Variants in PPP1R1C observed in about 807,000 individuals in gnomAD.
The protein encoded by PPP1R1C is protein phosphatase 1 regulatory subunit 1C.
A neutral mutation model predicts 17.4 loss-of-function variants in PPP1R1C; 15 were observed. The ratio of observed to expected loss-of-function variants is 0.86; its 90% CI spans 0.58 to 1.33. The LOEUF (loss-of-function observed/expected upper bound fraction) is 1.33. Among genes scored for constraint, PPP1R1C ranks in the 40% most tolerant of loss-of-function variants. The pLI is 0.00. For synonymous variants in PPP1R1C, 35 were observed against 43.1 expected, an observed-to-expected ratio of 0.81 and a Z score of 0.73; for missense variants, 143 against 130.0, an observed-to-expected ratio of 1.10 and a Z score of -0.48.
chr2:182,117,098 TA>T, intron 4 of PPP1R1C, 108 bp from the exon 5 acceptor site: 1 of 778,724 alleles, frequency 1.3e-6, no homozygotes, highest in Non-Finnish European at 2.1e-6. Context: ...GAAAAACATA[TA>T]AACACCAAAT....
chr2:181,975,908 A>C (rs967646388), intron 2 of PPP1R1C, among the ~76,000 whole-genome samples: 1 of 152,054 alleles, frequency 6.6e-6, no homozygotes, highest in Non-Finnish European at 1.5e-5. Context: ...TTAGAAGACA[A>C]AGCATGTTTT....
chr2:182,018,800 T>C (rs763026852), intron 2 of PPP1R1C, among the ~76,000 whole-genome samples: 10 of 152,090 alleles, frequency 6.6e-5, no homozygotes, highest in Non-Finnish European at 1.2e-4. Flanking sequence ...AAGCAATCGA[T>C]TGAAAAAGAC....
intron 4 of PPP1R1C, among the ~76,000 whole-genome samples, chr2:182,069,979 T>C (rs1360412020): frequency 2.0e-5 from 3 of 151,996 alleles, no homozygotes; most frequent in Admixed American, 1.3e-4. Context: ...TAAAGTGGGG[T>C]GGATGCAGAG....
At chr2:182,124,969 A>G (rs1349070160) in intron 5 of PPP1R1C, among the ~76,000 whole-genome samples, 2 of 151,824 alleles carry the variant, frequency 1.3e-5, no homozygotes, top group Non-Finnish European at 2.9e-5. Flanking sequence ...CTTGTCTTGC[A>G]TAAGACAAAG....
intron 4 of PPP1R1C, among the ~76,000 whole-genome samples, chr2:182,098,665 T>G (rs1397801191): frequency 6.6e-6 from 1 of 152,194 alleles, no homozygotes; most frequent in Non-Finnish European, 1.5e-5. Context: ...TATTTGTAAT[T>G]TTGTAATAAT....
At chr2:182,073,669 G>A (rs1688204095) in intron 4 of PPP1R1C, among the ~76,000 whole-genome samples, 1 of 152,214 alleles carries the variant, frequency 6.6e-6, no homozygotes, top group African/African-American at 2.4e-5. Flanking sequence ...GTCACAGCTA[G>A]GGAAGACTGT....
intron 2 of PPP1R1C, among the ~76,000 whole-genome samples, chr2:181,995,201 G>A (rs13424231): frequency 0.061 from 9,329 of 152,254 alleles, 577 homozygotes; most frequent in African/African-American, 0.15. Flanking sequence ...GTAAAGAAGT[G>A]TCTGTCACAG....
intron 2 of PPP1R1C, among the ~76,000 whole-genome samples, chr2:182,019,291 G>A (rs934234607): frequency 1.3e-5 from 2 of 152,060 alleles, no homozygotes; most frequent in Non-Finnish European, 2.9e-5. Flanking sequence ...GCTAATGTGG[G>A]CCCTCCAGCC....
chr2:182,017,985 T>C (rs562417583), intron 2 of PPP1R1C, among the ~76,000 whole-genome samples: 1 of 152,298 alleles, frequency 6.6e-6, no homozygotes, highest in African/African-American at 2.4e-5. Flanking sequence ...AACATGGTTA[T>C]AATTTAAGTT....
chr2:182,030,489 G>C (rs1484862744), intron 2 of PPP1R1C, among the ~76,000 whole-genome samples: 1 of 150,798 alleles, frequency 6.6e-6, no homozygotes, highest in Non-Finnish European at 1.5e-5. Flanking sequence ...ATGTCAGTGT[G>C]CCCCTGCTGG....
chr2:182,026,423 C>A (rs1686612817), intron 2 of PPP1R1C, among the ~76,000 whole-genome samples: 1 of 135,962 alleles, frequency 7.4e-6, no homozygotes, highest in Admixed American at 7.3e-5. Context: ...CAGCTTTCTA[C>A]ATATGTCTAG....
chr2:182,086,307 A>C (rs1424382744), intron 4 of PPP1R1C, among the ~76,000 whole-genome samples: 1 of 152,292 alleles, frequency 6.6e-6, no homozygotes, highest in East Asian at 1.9e-4. Flanking sequence ...CCAAAATAAA[A>C]AAGTTAAATC....
chr2:182,120,493 A>T (rs997249531), downstream of PPP1R1C, among the ~76,000 whole-genome samples: 10 of 152,210 alleles, frequency 6.6e-5, no homozygotes, highest in East Asian at 1.5e-3. Flanking sequence ...CGATCCCCTG[A>T]CTTTTTCTTT....
chr2:182,033,984 T>C (rs1686924451), intron 2 of PPP1R1C, among the ~76,000 whole-genome samples: 1 of 152,204 alleles, frequency 6.6e-6, no homozygotes, highest in Non-Finnish European at 1.5e-5. Context: ...TTTGTCAAGA[T>C]TCAGGTTTAG....
intron 2 of PPP1R1C, among the ~76,000 whole-genome samples, chr2:182,049,151 G>GGT (rs1305746624): frequency 6.6e-6 from 1 of 151,928 alleles, no homozygotes; most frequent in Non-Finnish European, 1.5e-5. Context: ...TGGCCAACAT[G>GGT]GTGAAACCCC....
intron 2 of PPP1R1C, among the ~76,000 whole-genome samples, chr2:182,030,286 A>G (rs373965790): frequency 3.3e-5 from 5 of 151,818 alleles, no homozygotes; most frequent in South Asian, 2.1e-4. Flanking sequence ...GAGGAGAGGC[A>G]CTCTGTGTTT....
At chr2:182,011,765 C>T (rs1216254278) in intron 2 of PPP1R1C, among the ~76,000 whole-genome samples, 1 of 151,886 alleles carries the variant, frequency 6.6e-6, no homozygotes, top group East Asian at 1.9e-4. Flanking sequence ...ATCAACTTTC[C>T]TCTTAGTACT....
chr2:182,116,842 CTTG>C (rs1226782449), intron 4 of PPP1R1C, among the ~76,000 whole-genome samples: 1 of 152,022 alleles, frequency 6.6e-6, no homozygotes, highest in Non-Finnish European at 1.5e-5. Flanking sequence ...TTCAATAGTT[CTTG>C]TTGTAATAGA....
chr2:181,961,327 T>C lies in PPP1R1C; in HGVS notation n.111+6693T>C, dbSNP rs1454327919. On this transcript the variant is annotated intron_variant and non_coding_transcript_variant, in intron 1 of 5. Coordinates refer to the PPP1R1C transcript ENST00000464264. The surrounding 1 kb of genome is among the most constrained non-coding windows in gnomAD (Gnocchi z 5.8). ...ATCACCAAGATTGAAGTCATCATCA[T>C]CAAGCAGGCGGTGGTAGGTGGCGCT... is the stretch of plus-strand genomic sequence containing the variant. 4.1e-6 allele frequency: 3 copies of C among 727,632 alleles called. No individual in the cohort carries two copies. Among genetic ancestry groups the C allele is most frequent in the African/African-American group, 3.4e-5 (2 of 58,464 alleles). The allele number at this position is 727,632 out of a possible 1,614,324, so 45.1% of individuals were successfully genotyped here. A position where few individuals can be genotyped will look rare whatever the true frequency, so the allele number is the denominator to read the frequency against.
Sources: gnomAD v4.1 joint callset for allele counts (sites outside exome capture counted in the v4.1 genomes callset) on GRCh38, gnomAD v4.1.1 for gene constraint, Gnocchi (gnomAD v3.1) non-coding constraint, MANE v1.5 for transcripts, NCBI Gene and HGNC (gene_info 2026-07-23, HGNC 2026-07-21) for gene names.